The following IFT43 variants were observed in gnomAD, a reference collection of about 807,000 sequenced individuals.
The protein encoded by IFT43 is intraflagellar transport 43, also known as intraflagellar transport protein 43 homolog.
A neutral mutation model predicts 32.3 loss-of-function variants in IFT43; 33 were observed. The observed-to-expected ratio is 1.02, with a 90% CI of 0.77 to 1.37. IFT43 has a LOEUF of 1.37. IFT43 is among the 40% of genes most tolerant of loss of function. IFT43 has a pLI of 0.00. For missense variants in IFT43, 274 were observed against 265.9 expected (o/e 1.03, Z -0.21); for synonymous variants, 93 against 98.2 (o/e 0.95, Z 0.31).
intron 3 of IFT43, among the ~76,000 whole-genome samples, chr14:76,034,913 A>G (rs2036571535): frequency 2.0e-5 from 3 of 152,252 alleles, no homozygotes; most frequent in Non-Finnish European, 4.4e-5. Context: ...ATGGTGGGTC[A>G]CTGACTTCGC....
At chr14:76,023,532 A>G (rs1030754167) in intron 3 of IFT43, among the ~76,000 whole-genome samples, 1 of 152,268 alleles carries the variant, frequency 6.6e-6, no homozygotes, top group Admixed American at 6.5e-5. Flanking sequence ...ATGAATTCGT[A>G]TGTGTAAAAT....
At chr14:76,065,052 G>T (rs1395360768) in intron 5 of IFT43, among the ~76,000 whole-genome samples, 1 of 152,190 alleles carries the variant, frequency 6.6e-6, no homozygotes, top group African/African-American at 2.4e-5. Flanking sequence ...CACCATCGGG[G>T]CATCATCACT....
chr14:76,065,715 G>C (rs114919997), intron 5 of IFT43, among the ~76,000 whole-genome samples: 1,588 of 151,812 alleles, frequency 0.01, 30 homozygotes, highest in African/African-American at 0.036. Context: ...GTATTCCATT[G>C]TATGGACATA....
intron 3 of IFT43, among the ~76,000 whole-genome samples, chr14:76,031,714 C>T (rs2036512506): frequency 6.6e-6 from 1 of 152,152 alleles, no homozygotes; most frequent in Non-Finnish European, 1.5e-5. Flanking sequence ...AGATCAAATC[C>T]ATTTCCTCTT....
intron 8 of IFT43, 74 bp from the exon 9 acceptor site, chr14:76,083,384 T>C: frequency 6.2e-7 from 1 of 1,612,944 alleles, no homozygotes; most frequent in Middle Eastern, 1.7e-4. Context: ...GAGGCCTGGA[T>C]GGGAGGGAGA....
rs1263593082 is a variant in IFT43 at position 75,999,243 on chromosome 14, AT to A, written c.147+10267del. 5.3e-3 allele frequency among the ~76,000 whole-genome samples: 133 copies of A among 25,248 alleles called. 2 individuals are homozygous for A. The highest frequency in any genetic ancestry group is 0.019 in the African/African-American group (54 of 2,868). The allele number at this position is 25,248 out of a possible 152,430, so 16.6% of individuals were successfully genotyped here. A position where few individuals can be genotyped will look rare whatever the true frequency, so the allele number is the denominator to read the frequency against. On this transcript the variant is annotated intron_variant, in intron 2 of 8. Coordinates refer to ENST00000314067, the MANE Select transcript of IFT43 (RefSeq NM_001102564.3). Reference sequence around the variant, plus strand: ...AAATTCATTTTATATATATATATATATATATATATATATATATATATATATA... The same window carrying A: ...AAATTCATTTTATATATATATATATAATATATATATATATATATATATATA...
At chr14:76,024,298 T>C (rs1230432583) in intron 3 of IFT43, among the ~76,000 whole-genome samples, 1 of 152,238 alleles carries the variant, frequency 6.6e-6, no homozygotes, top group Non-Finnish European at 1.5e-5. Context: ...TCCTACGACA[T>C]ACTCTCTCGC....
intron 2 of IFT43, among the ~76,000 whole-genome samples, chr14:76,006,157 C>T (rs914103016): frequency 1.3e-5 from 2 of 152,130 alleles, no homozygotes; most frequent in African/African-American, 2.4e-5. Context: ...AGAGGCCCAG[C>T]GACCAGAGCT....
chr14:76,045,223 A>G (rs1341740419), intron 3 of IFT43, among the ~76,000 whole-genome samples: 3 of 152,120 alleles, frequency 2.0e-5, no homozygotes, highest in African/African-American at 7.2e-5. Context: ...AGTTGTGGAG[A>G]GGGTCTGCTC....
At chr14:76,009,358 ATCC>A (rs2036036927) in intron 2 of IFT43, among the ~76,000 whole-genome samples, 3 of 152,356 alleles carry the variant, frequency 2.0e-5, no homozygotes, top group Admixed American at 1.3e-4. Context: ...TCAGCAAATA[ATCC>A]TCCTAAAGCT....
rs1314364308 is a variant in IFT43 at position 75,985,804 on chromosome 14, C to G, written c.18C>G (p.Asp6Glu). 3.1e-6 allele frequency: 5 copies of G among 1,614,082 alleles called. No individual in the cohort carries two copies. Among genetic ancestry groups the G allele is most frequent in the Non-Finnish European group, 3.4e-6 (4 of 1,180,048 alleles). MEDLL[D>E]LDEELRYSLA... ...CCGCGGAGATGGAGGATTTGCTCGA[C>G]TTGGACGAGGAGCTTCGCTACAGCT... Residue 6 changes from aspartate to glutamate, a missense_variant, in exon 1 of 9, where the codon GAC (aspartate) becomes GAG (glutamate). By Grantham distance (45) the Asp-to-Glu change is conservative. Transcript: ENST00000314067.
At chr14:75,989,508 G>A (rs1225748928) in intron 2 of IFT43, among the ~76,000 whole-genome samples, 2 of 151,916 alleles carry the variant, frequency 1.3e-5, no homozygotes, top group African/African-American at 2.4e-5. Context: ...TTACTGCCAG[G>A]GCACTACTTT....
intron 2 of IFT43, among the ~76,000 whole-genome samples, chr14:76,007,002 C>T (rs1211124417): frequency 6.6e-6 from 1 of 151,936 alleles, no homozygotes; most frequent in East Asian, 1.9e-4. Flanking sequence ...GGACTAAAGA[C>T]ATATGCCACC....
chr14:75,985,930 G>T, intron 1 of IFT43, 90 bp downstream of exon 1: 1 of 1,562,116 alleles, frequency 6.4e-7, no homozygotes. Context: ...AGGCGACTCA[G>T]GGCGGCAGGC....
At chr14:76,025,889 G>A (rs2036382952) in intron 3 of IFT43, among the ~76,000 whole-genome samples, 1 of 152,148 alleles carries the variant, frequency 6.6e-6, no homozygotes, top group East Asian at 1.9e-4. Context: ...ATAGGATTGG[G>A]CAAAGATTTC....
chr14:76,049,639 G>A (rs958604514), intron 3 of IFT43, among the ~76,000 whole-genome samples: 1 of 152,192 alleles, frequency 6.6e-6, no homozygotes, highest in East Asian at 1.9e-4. Flanking sequence ...GGAAATGGCA[G>A]ACATTTGGGG....
intron 3 of IFT43, among the ~76,000 whole-genome samples, chr14:76,025,085 A>T (rs752477995): frequency 1.4e-5 from 2 of 147,896 alleles, no homozygotes; most frequent in Non-Finnish European, 2.9e-5. Context: ...GATGAAAGAT[A>T]AAAAAAATAT....
chr14:76,029,309 G>T (rs1250050479), intron 3 of IFT43, among the ~76,000 whole-genome samples: 2 of 152,094 alleles, frequency 1.3e-5, no homozygotes, highest in Admixed American at 6.6e-5. Context: ...TTTTAATGGG[G>T]TTATTTTTTT....
At chr14:76,069,731 T>C (rs1002244059) in intron 5 of IFT43, among the ~76,000 whole-genome samples, 4 of 152,170 alleles carry the variant, frequency 2.6e-5, no homozygotes, top group Non-Finnish European at 5.9e-5. Context: ...GTAGAAAGTC[T>C]CTGAAAACAG....
Sources: allele counts gnomAD v4.1 joint callset (sites outside exome capture counted in the v4.1 genomes callset), GRCh38; gene constraint gnomAD v4.1.1; transcripts MANE v1.5; gene names NCBI Gene and HGNC (gene_info 2026-07-23, HGNC 2026-07-21).